Variants in ATG16L1 observed in about 807,000 individuals in gnomAD.
The protein encoded by ATG16L1 is autophagy related 16 like 1.
ATG16L1 carries 37 observed loss-of-function variants against 88.5 expected under a neutral mutation model. That is an observed-to-expected ratio of 0.42 (90% CI 0.32 to 0.55). The LOEUF (loss-of-function observed/expected upper bound fraction) is 0.55. ATG16L1 is among the 20% of genes least tolerant of loss of function. The pLI, the probability that ATG16L1 is intolerant of heterozygous loss-of-function variation, is 0.13. For missense variants in ATG16L1, 554 were observed against 752.8 expected, an observed-to-expected ratio of 0.74 and a Z score of 3.09; for synonymous variants, 301 against 281.0, an observed-to-expected ratio of 1.07 and a Z score of -0.71.
In ATG16L1 at chr2:233,290,301, C is replaced by T. The variant is rs1456257461; in HGVS notation, c.1378C>T (p.Gln460Ter). 1.9e-6 allele frequency: 3 copies of T among 1,614,056 alleles called. No homozygotes were observed. The highest frequency in any genetic ancestry group is 2.5e-6 in the Non-Finnish European group (3 of 1,180,038). The change falls in exon 14 of 18, where the codon CAA (glutamine) becomes TAA (stop). Residue 460 changes from glutamine (Q) to a stop codon, truncating the protein, a stop_gained. Coordinates refer to ENST00000392017, the MANE Select transcript of ATG16L1 (RefSeq NM_030803.7). LOFTEE classifies it high-confidence loss of function. ...SSCNDIVCTE[Q>*]CVMSGHFDKK... is the part of the protein sequence containing the mutation. The stretch of plus-strand genomic sequence containing the variant: ...TTGCAATGATATTGTCTGCACAGAG[C>T]AATGTGTAATGAGTGGACATTTTGA...
At position 233,287,234 on chromosome 2, in the gene ATG16L1, C is replaced by T. The variant is rs529659549; in HGVS notation, c.1204-2620C>T. On this transcript the variant is annotated intron_variant, in intron 12 of 17. Transcript: ENST00000392017. ...TTCAAATCAGTGGAACCCCAAAGCC[C>T]ATGAATTTTCAGCTATCACATGAAA... Among the ~76,000 whole-genome samples the T allele has an allele frequency of 7.2e-5, 11 of 152,242 alleles. No individual in the cohort carries two copies. In the South Asian group the frequency reaches 1.7e-3, roughly 23 times the overall value.
At chr2:233,274,052 T>C in intron 8 of ATG16L1, 1 of 1,549,264 alleles carries the variant, frequency 6.5e-7, no homozygotes, top group East Asian at 2.4e-5. Context: ...GTGAAACTAT[T>C]ATCCTCTCTT....
intron 6 of ATG16L1, 45 bp downstream of exon 6, chr2:233,270,112 GCT>G: frequency 2.0e-6 from 3 of 1,526,850 alleles, no homozygotes; most frequent in Non-Finnish European, 2.6e-6. Flanking sequence ...TGAAAATTTG[GCT>G]CTCTTAAAAG....
chr2:233,287,519 A>G (rs1004549748), intron 12 of ATG16L1, among the ~76,000 whole-genome samples: 16 of 152,204 alleles, frequency 1.1e-4, no homozygotes, highest in Non-Finnish European at 7.3e-5. Flanking sequence ...TACTCTTAAC[A>G]TTAAGAAAGA....
At chr2:233,253,898 T>G (rs191059636) in intron 1 of ATG16L1, among the ~76,000 whole-genome samples, 32 of 152,300 alleles carry the variant, frequency 2.1e-4, no homozygotes, top group Admixed American at 2.1e-3. Context: ...TAGGTGCTTA[T>G]TAGGTGCTTA....
chr2:233,284,658 C>T (rs1278983479), intron 12 of ATG16L1, among the ~76,000 whole-genome samples: 3 of 151,982 alleles, frequency 2.0e-5, no homozygotes, highest in African/African-American at 7.2e-5. Flanking sequence ...TTAGTAGAGA[C>T]GGGGTTTCCC....
intron 4 of ATG16L1, 175 bp downstream of exon 4, chr2:233,264,240 A>G (rs1697411516): frequency 5.0e-6 from 3 of 602,306 alleles, no homozygotes; most frequent in Non-Finnish European, 8.7e-6. Flanking sequence ...TGAGAAGGAA[A>G]AAGCAAGGAC....
At chr2:233,291,651 C>T (rs1699470545) in intron 14 of ATG16L1, among the ~76,000 whole-genome samples, 1 of 152,162 alleles carries the variant, frequency 6.6e-6, no homozygotes, top group Admixed American at 6.5e-5. Flanking sequence ...TGGCTCTGCC[C>T]TGGCTTTCCT....
intron 8 of ATG16L1, chr2:233,274,191 C>A: frequency 3.8e-6 from 3 of 788,464 alleles, no homozygotes; most frequent in South Asian, 1.7e-5. Context: ...GCCCTCAGAG[C>A]AGGGCTGCCA....
At chr2:233,268,463 A>G (rs1697757424) in intron 5 of ATG16L1, among the ~76,000 whole-genome samples, 1 of 152,196 alleles carries the variant, frequency 6.6e-6, no homozygotes, top group Admixed American at 6.5e-5. Flanking sequence ...TGTTTGAGCT[A>G]TTAAAGACCT....
intron 12 of ATG16L1, chr2:233,283,109 G>A (rs1698826313): frequency 4.6e-6 from 1 of 216,976 alleles, no homozygotes; most frequent in African/African-American, 2.3e-5. Context: ...CCTAAAGTGG[G>A]ATATAGAAGT....
Position 233,295,619 on chromosome 2 carries a change from C to G in ATG16L1, c.*1269C>G, listed in dbSNP as rs192068967. 13 of 152,776 alleles carry G rather than the reference C, an allele frequency of 8.5e-5. No homozygotes were observed. Among genetic ancestry groups the G allele is most frequent in the Admixed American group, 8.5e-4 (13 of 15,282 alleles). The allele number at this position is 152,776 out of a possible 1,614,324, so 9.5% of individuals were successfully genotyped here. A position where few individuals can be genotyped will look rare whatever the true frequency, so the allele number is the denominator to read the frequency against. ...TTATTTATTTCATTATGTTGGCCAA[C>G]AGAACTTGATTGTAAATAATAATAA... On this transcript the variant is annotated 3_prime_UTR_variant, in exon 18 of 18. Coordinates refer to ENST00000392017, the MANE Select transcript of ATG16L1 (RefSeq NM_030803.7).
chr2:233,263,542 C>A (rs12162308), intron 3 of ATG16L1, among the ~76,000 whole-genome samples: 5 of 151,910 alleles, frequency 3.3e-5, no homozygotes, highest in East Asian at 1.9e-4. Flanking sequence ...CGCTGAAGGC[C>A]TCACTGATGG....
At chr2:233,261,250 C>T (rs1190495278) in intron 2 of ATG16L1, among the ~76,000 whole-genome samples, 3 of 152,170 alleles carry the variant, frequency 2.0e-5, no homozygotes, top group Non-Finnish European at 2.9e-5. Flanking sequence ...CCACCGCTCC[C>T]GGCCTGTTGT....
At chr2:233,292,476 A>G in intron 16 of ATG16L1, 42 bp downstream of exon 16, 1 of 1,611,348 alleles carries the variant, frequency 6.2e-7, no homozygotes, top group Non-Finnish European at 8.5e-7. Flanking sequence ...TTCATCACAA[A>G]GAGTCCTGCA....
At position 233,274,786 on chromosome 2, in the gene ATG16L1, T is replaced by C. The variant is rs1345183528; in HGVS notation, c.954+8T>C. ...ACTGCCTTGTGTGTCTTCGTAAGTA[T>C]GCTTCAGCCCCGAACCCTACCACGC... On this transcript the variant is annotated splice_region_variant and intron_variant, in intron 9 of 17. Coordinates refer to ENST00000392017, the MANE Select transcript of ATG16L1 (RefSeq NM_030803.7). The C allele has an allele frequency of 1.9e-6, 3 of 1,602,758 alleles. No individual in the cohort carries two copies. Among genetic ancestry groups the C allele is most frequent in the Non-Finnish European group, 2.6e-6 (3 of 1,170,026 alleles).
At position 233,252,359 on chromosome 2, in the gene ATG16L1, A is replaced by C. The variant is rs911961693; in HGVS notation, c.115+417A>C. Among the ~76,000 whole-genome samples the C allele has an allele frequency of 5.3e-5, 8 of 151,408 alleles. No homozygotes were observed. In the South Asian group the frequency reaches 8.4e-4, roughly 16 times the overall value. The stretch of plus-strand genomic sequence containing the variant: ...TTGATTCCTCAAACTTACTTCCCTT[A>C]CTCCACCTTGGTGGTTTTTTTTGCG... On this transcript the variant is annotated intron_variant, in intron 1 of 17. Transcript: ENST00000392017.
At chr2:233,273,980 T>A in intron 8 of ATG16L1, 1 of 1,551,448 alleles carries the variant, frequency 6.4e-7, no homozygotes, top group Non-Finnish European at 8.7e-7. Context: ...ATCTCTGGCC[T>A]TTCCCTTTAG....
chr2:233,272,500 C>T (rs557087832), intron 6 of ATG16L1, among the ~76,000 whole-genome samples: 3 of 152,226 alleles, frequency 2.0e-5, no homozygotes, highest in African/African-American at 7.2e-5. Context: ...CTGAATTCTC[C>T]CTACACTGTT....
Sources: allele counts gnomAD v4.1 joint callset (sites outside exome capture counted in the v4.1 genomes callset), GRCh38; gene constraint gnomAD v4.1.1; transcripts MANE v1.5; gene names NCBI Gene and HGNC (gene_info 2026-07-23, HGNC 2026-07-21).